Variants in SGCD observed in about 807,000 individuals in gnomAD.
SGCD encodes the protein sarcoglycan delta.
Under a neutral mutation model 36.6 loss-of-function variants are expected in SGCD, and 18 were observed. The observed-to-expected ratio is 0.49, with a 90% CI of 0.34 to 0.73. SGCD has a LOEUF of 0.73. Ranked by LOEUF, SGCD falls within the 30% of genes least tolerant of loss-of-function variation. The pLI, the probability that SGCD is intolerant of heterozygous loss-of-function variation, is 0.01. For synonymous variants in SGCD, 133 were observed against 130.6 expected (o/e 1.02, Z -0.12); for missense variants, 387 against 346.7 (o/e 1.12, Z -0.92).
At chr5:156,707,205 A>T (rs1754779896) in intron 7 of SGCD, among the ~76,000 whole-genome samples, 2 of 152,182 alleles carry the variant, frequency 1.3e-5, no homozygotes, top group African/African-American at 4.8e-5. Context: ...ATTTGTTTTC[A>T]TTGGCCTTTC....
chr5:155,805,592 C>A, the SGCD span, among the ~76,000 whole-genome samples: 3 of 152,170 alleles, frequency 2.0e-5, no homozygotes, highest in African/African-American at 7.2e-5. Context: ...ACTACTGCCT[C>A]CATTTGTGAA....
intron 1 of SGCD, among the ~76,000 whole-genome samples, chr5:156,028,313 T>C (rs146450273): frequency 3.3e-5 from 5 of 152,258 alleles, no homozygotes; most frequent in Non-Finnish European, 7.4e-5. Flanking sequence ...TTTCTTATGG[T>C]TTACCTTTTT....
At chr5:156,592,156 G>C (rs1751834284) in intron 5 of SGCD, among the ~76,000 whole-genome samples, 1 of 149,450 alleles carries the variant, frequency 6.7e-6, no homozygotes, top group African/African-American at 2.5e-5. Flanking sequence ...AACTCCTCAG[G>C]GACCAGGATG....
chr5:156,490,109 C>T (rs936252541), intron 3 of SGCD, among the ~76,000 whole-genome samples: 6 of 151,736 alleles, frequency 4.0e-5, no homozygotes, highest in East Asian at 3.9e-4. Context: ...GAAAATCTAG[C>T]GGAAATGGAT....
intron 3 of SGCD, among the ~76,000 whole-genome samples, chr5:156,127,854 CAAAAAAAAAAA>C (rs56822746): frequency 5.4e-5 from 1 of 18,440 alleles, no homozygotes; most frequent in Non-Finnish European, 9.8e-5. Flanking sequence ...AACATAAATG[CAAAAAAAAAAA>C]AAAAAAAAAA....
intron 6 of SGCD, among the ~76,000 whole-genome samples, chr5:156,609,545 G>A (rs926777654): frequency 2.0e-5 from 3 of 152,160 alleles, no homozygotes; most frequent in Non-Finnish European, 4.4e-5. Flanking sequence ...CTCTCGAGGA[G>A]TATCTTTATG....
At chr5:155,842,565 C>G in the SGCD span, among the ~76,000 whole-genome samples, 1 of 151,696 alleles carries the variant, frequency 6.6e-6, no homozygotes. Context: ...GAGTGAGACT[C>G]CATCTCAACG....
intron 3 of SGCD, among the ~76,000 whole-genome samples, chr5:156,470,311 G>C (rs1021506947): frequency 3.3e-5 from 5 of 151,164 alleles, no homozygotes; most frequent in African/African-American, 1.2e-4. Context: ...AAATATGAAT[G>C]ATTGTTACAT....
At chr5:156,082,882 T>C (rs1178973087) in intron 1 of SGCD, among the ~76,000 whole-genome samples, 3 of 152,210 alleles carry the variant, frequency 2.0e-5, no homozygotes, top group Admixed American at 1.3e-4. Flanking sequence ...TCTGCCAGTA[T>C]GTATATGTGA....
At chr5:156,128,480 C>G (rs796279891) in intron 3 of SGCD, among the ~76,000 whole-genome samples, 57 of 150,984 alleles carry the variant, frequency 3.8e-4, no homozygotes, top group African/African-American at 1.3e-3. Context: ...AGATGTCTAA[C>G]AAAAAAAAAT....
At chr5:156,450,108 C>A (rs1753941909) in intron 3 of SGCD, among the ~76,000 whole-genome samples, 1 of 152,106 alleles carries the variant, frequency 6.6e-6, no homozygotes, top group Non-Finnish European at 1.5e-5. Flanking sequence ...TCAGAGGAGT[C>A]TGGTTAACAG....
chr5:156,618,406 A>G (rs1234894405), intron 6 of SGCD, among the ~76,000 whole-genome samples: 2 of 152,178 alleles, frequency 1.3e-5, no homozygotes, highest in African/African-American at 4.8e-5. Context: ...GTATTAGATC[A>G]TAAACATACA....
chr5:156,099,562 G>A (rs1057075629), intron 1 of SGCD, among the ~76,000 whole-genome samples: 1 of 152,064 alleles, frequency 6.6e-6, no homozygotes, highest in Non-Finnish European at 1.5e-5. Context: ...TTACAAGCAT[G>A]TGCCACTACT....
intron 3 of SGCD, among the ~76,000 whole-genome samples, chr5:156,143,116 C>T (rs987096027): frequency 6.6e-6 from 1 of 152,216 alleles, no homozygotes; most frequent in Non-Finnish European, 1.5e-5. Context: ...CTGCTTTTTG[C>T]CTCCCAGATC....
At chr5:156,089,875 A>T (rs1761197098) in intron 1 of SGCD, among the ~76,000 whole-genome samples, 1 of 152,150 alleles carries the variant, frequency 6.6e-6, no homozygotes, top group African/African-American at 2.4e-5. Context: ...AATCGGATAA[A>T]CCAGGGCCTC....
chr5:156,703,059 C>T (rs1186640412), intron 7 of SGCD, among the ~76,000 whole-genome samples: 1 of 152,212 alleles, frequency 6.6e-6, no homozygotes, highest in Non-Finnish European at 1.5e-5. Context: ...TACCCCCACC[C>T]ATGGGATTGG....
intron 6 of SGCD, among the ~76,000 whole-genome samples, chr5:156,629,004 T>C (rs1320319259): frequency 6.6e-6 from 1 of 152,206 alleles, no homozygotes; most frequent in Non-Finnish European, 1.5e-5. Context: ...TACTCAGATA[T>C]ATTAAGTTCT....
At chr5:156,691,763 G>A (rs1318414148) in intron 7 of SGCD, among the ~76,000 whole-genome samples, 1 of 152,152 alleles carries the variant, frequency 6.6e-6, no homozygotes, top group Non-Finnish European at 1.5e-5. Context: ...CCCCTAGATT[G>A]GAATATTATG....
At chr5:156,101,817 T>TA (rs1306150773) in intron 1 of SGCD, among the ~76,000 whole-genome samples, 1 of 151,972 alleles carries the variant, frequency 6.6e-6, no homozygotes, top group Non-Finnish European at 1.5e-5. Flanking sequence ...ACGAAAATCT[T>TA]AGAGTGGAAT....
Sources: gnomAD v4.1 joint callset for allele counts (sites outside exome capture counted in the v4.1 genomes callset) on GRCh38, gnomAD v4.1.1 for gene constraint, MANE v1.5 for transcripts, NCBI Gene and HGNC (gene_info 2026-07-23, HGNC 2026-07-21) for gene names.